The following ZNF420 variants were observed in gnomAD, a reference collection of about 807,000 sequenced individuals.
ZNF420 encodes zinc finger protein 420.
Under a neutral mutation model 44.7 loss-of-function variants are expected in ZNF420, and 31 were observed. The ratio of observed to expected loss-of-function variants is 0.69; its 90% CI spans 0.52 to 0.94. The LOEUF (loss-of-function observed/expected upper bound fraction) is 0.94, where lower values mean the gene tolerates loss of function less well. Among genes scored for constraint, ZNF420 ranks in the 40% least tolerant of loss-of-function variants. The pLI, the probability that ZNF420 is intolerant of heterozygous loss-of-function variation, is 0.00. For synonymous variants in ZNF420, 245 were observed against 267.4 expected (o/e 0.92, Z 0.82); for missense variants, 681 against 827.9 (o/e 0.82, Z 2.18).
At chr19:37,072,453 C>T (rs1216789480) in intron 1 of ZNF420, among the ~76,000 whole-genome samples, 1 of 152,204 alleles carries the variant, frequency 6.6e-6, no homozygotes, top group African/African-American at 2.4e-5. Flanking sequence ...GAAGATACTC[C>T]AGATTGTAAA....
At chr19:37,049,573 T>C (rs955716747) in intron 1 of ZNF420, among the ~76,000 whole-genome samples, 1 of 152,248 alleles carries the variant, frequency 6.6e-6, no homozygotes, top group African/African-American at 2.4e-5. Flanking sequence ...GTTTGTTTTT[T>C]TCTTGTAAAT....
chr19:37,042,566 A>G (rs1257719850), intron 1 of ZNF420, among the ~76,000 whole-genome samples: 6 of 152,246 alleles, frequency 3.9e-5, no homozygotes, highest in Non-Finnish European at 8.8e-5. Context: ...AAGGGAGTCC[A>G]AGGGGGAAAA....
chr19:37,118,732 G>T (rs370366916), intron 4 of ZNF420, among the ~76,000 whole-genome samples: 3 of 151,598 alleles, frequency 2.0e-5, no homozygotes, highest in African/African-American at 7.3e-5. Flanking sequence ...CCCATCTCAC[G>T]TGCAGAGACA....
rs201643937 is a variant in ZNF420, at chr19:37,104,742, G to C, written c.136+13621G>C. Among the ~76,000 whole-genome samples the C allele has an allele frequency of 4.7e-4, 72 of 152,292 alleles. 1 individual carries two copies. The East Asian group carries it at 0.01, about 21-fold the overall frequency. On this transcript the variant is annotated intron_variant, in intron 4 of 4. Transcript: ENST00000337995. Reference sequence around the variant, plus strand: ...TGCATTTCTCTGATGGCCAGTTGATGATGAGCATTTTTCCATGTGTCTGTT... The same window carrying C: ...TGCATTTCTCTGATGGCCAGTTGATCATGAGCATTTTTCCATGTGTCTGTT...
chr19:37,126,575 A>G (rs1028801920), intron 4 of ZNF420, among the ~76,000 whole-genome samples: 1 of 152,338 alleles, frequency 6.6e-6, no homozygotes, highest in Middle Eastern at 3.4e-3. Flanking sequence ...TTAAAATTAC[A>G]GATCTCCAGG....
intron 4 of ZNF420, among the ~76,000 whole-genome samples, chr19:37,102,244 G>T (rs899046090): frequency 6.6e-6 from 1 of 152,186 alleles, no homozygotes; most frequent in African/African-American, 2.4e-5. Context: ...CAAAGACTGG[G>T]CTTCCTCAAG....
At chr19:37,108,224 C>T (rs1345524990) in intron 4 of ZNF420, 2 of 152,182 alleles carry the variant, frequency 1.3e-5, no homozygotes, top group Non-Finnish European at 2.9e-5. Context: ...CGATTAATCC[C>T]ATAATCACTG....
chr19:37,100,336 C>T (rs1376794947), intron 4 of ZNF420, among the ~76,000 whole-genome samples: 2 of 152,160 alleles, frequency 1.3e-5, no homozygotes, highest in East Asian at 1.9e-4. Flanking sequence ...CATGCCAATA[C>T]CATACTGTTT....
At chr19:37,069,929 AAATAATAAAGACC>A (rs771351280) in intron 1 of ZNF420, among the ~76,000 whole-genome samples, 3 of 152,150 alleles carry the variant, frequency 2.0e-5, no homozygotes, top group Non-Finnish European at 4.4e-5. Flanking sequence ...GAAAGCAAGG[AAATAATAAAGACC>A]AAAACAATAC....
intron 1 of ZNF420, among the ~76,000 whole-genome samples, chr19:37,017,521 A>C (rs2146377782): frequency 6.6e-6 from 1 of 152,342 alleles, no homozygotes; most frequent in African/African-American, 2.4e-5. Flanking sequence ...AATATTTGAA[A>C]TCCTAACGTG....
At chr19:37,034,292 C>T (rs1456983856) in intron 1 of ZNF420, among the ~76,000 whole-genome samples, 1 of 151,974 alleles carries the variant, frequency 6.6e-6, no homozygotes, top group African/African-American at 2.4e-5. Flanking sequence ...CTTTCATGTG[C>T]TTGATGGCCA....
At chr19:37,089,744 A>G (rs1344450692) in intron 3 of ZNF420, among the ~76,000 whole-genome samples, 1 of 152,248 alleles carries the variant, frequency 6.6e-6, no homozygotes, top group Non-Finnish European at 1.5e-5. Context: ...AAATATGATC[A>G]TAGTGAAGAT....
At chr19:37,089,955 T>A (rs541688939) in intron 3 of ZNF420, among the ~76,000 whole-genome samples, 1 of 152,330 alleles carries the variant, frequency 6.6e-6, no homozygotes, top group South Asian at 2.1e-4. Context: ...AGTACTCTGA[T>A]CTAATGGTGA....
chr19:37,021,302 T>C (rs1338308340), intron 1 of ZNF420, among the ~76,000 whole-genome samples: 1 of 152,142 alleles, frequency 6.6e-6, no homozygotes, highest in African/African-American at 2.4e-5. Context: ...AGTTTCACTC[T>C]TGTTGCCCAG....
At chr19:37,107,846 G>GC (rs1203786623) in intron 4 of ZNF420, among the ~76,000 whole-genome samples, 1 of 101,178 alleles carries the variant, frequency 9.9e-6, no homozygotes, top group Non-Finnish European at 2.0e-5. Context: ...AATTTAATGG[G>GC]CTTTGATCCT....
intron 1 of ZNF420, among the ~76,000 whole-genome samples, chr19:37,028,382 A>G (rs559269708): frequency 1.0e-3 from 155 of 152,156 alleles, no homozygotes; most frequent in Admixed American, 1.6e-3. Flanking sequence ...ACAGAATAAT[A>G]CCTGGTTGTC....
At chr19:37,115,748 G>A (rs926506552) in intron 4 of ZNF420, among the ~76,000 whole-genome samples, 2 of 151,888 alleles carry the variant, frequency 1.3e-5, no homozygotes, top group African/African-American at 2.4e-5. Flanking sequence ...GACCCTTTAC[G>A]GGTGTTGGGC....
chr19:37,107,081 G>C (rs972983126), intron 4 of ZNF420: 1 of 152,186 alleles, frequency 6.6e-6, no homozygotes, highest in Admixed American at 6.5e-5. Context: ...CTATTGCCCA[G>C]GGACGAGCAG....
intron 2 of ZNF420, among the ~76,000 whole-genome samples, chr19:37,082,139 A>G (rs918046579): frequency 5.3e-5 from 8 of 151,910 alleles, no homozygotes; most frequent in Non-Finnish European, 1.2e-4. Context: ...TTTTTATTCA[A>G]TTTGGCAATC....
Sources: allele counts gnomAD v4.1 joint callset (sites outside exome capture counted in the v4.1 genomes callset), GRCh38; gene constraint gnomAD v4.1.1; transcripts MANE v1.5; gene names NCBI Gene and HGNC (gene_info 2026-07-23, HGNC 2026-07-21).